The following CAPN9 variants were observed in gnomAD, a reference collection of about 807,000 sequenced individuals.
CAPN9 encodes the protein calpain-9.
In CAPN9, 81 loss-of-function variants were observed where a neutral mutation model predicts 92.8. The ratio of observed to expected loss-of-function variants is 0.87; its 90% confidence interval spans 0.73 to 1.05. The LOEUF (loss-of-function observed/expected upper bound fraction) is 1.05. Ranked by LOEUF, CAPN9 falls within the 50% of genes least tolerant of loss-of-function variation. CAPN9 has a pLI of 0.00. For synonymous variants in CAPN9, 304 were observed against 328.0 expected (o/e 0.93, Z 0.79); for missense variants, 848 against 866.2 (o/e 0.98, Z 0.26).
At chr1:230,791,054 G>GTC (rs1028881556) in intron 14 of CAPN9, among the ~76,000 whole-genome samples, 2 of 152,204 alleles carry the variant, frequency 1.3e-5, no homozygotes, top group African/African-American at 4.8e-5. Context: ...ATGTATCAAT[G>GTC]TCTCATTCCT....
intron 14 of CAPN9, among the ~76,000 whole-genome samples, chr1:230,791,103 C>T (rs914977386): frequency 1.3e-5 from 2 of 152,066 alleles, no homozygotes; most frequent in African/African-American, 4.8e-5. Flanking sequence ...TGGATGGGCC[C>T]TGTTCTGTTT....
At chr1:230,752,667 C>T (rs1664923957) in intron 1 of CAPN9, 1 of 985,284 alleles carries the variant, frequency 1.0e-6, no homozygotes, top group South Asian at 4.7e-5. Flanking sequence ...CTAGCACAGC[C>T]TGCTGGGCAG....
At chr1:230,749,666 C>A (rs529479235) in intron 1 of CAPN9, among the ~76,000 whole-genome samples, 105 of 152,252 alleles carry the variant, frequency 6.9e-4, no homozygotes, top group African/African-American at 2.4e-3. Context: ...TCTACAGGCA[C>A]TTGATATGAA....
chr1:230,769,085 AG>A, intron 5 of CAPN9, 94 bp from the exon 6 acceptor site: 1 of 938,024 alleles, frequency 1.1e-6, no homozygotes, highest in Non-Finnish European at 1.7e-6. Flanking sequence ...AAGGGGCTGG[AG>A]GTTGTGACCG....
intron 1 of CAPN9, among the ~76,000 whole-genome samples, chr1:230,750,113 T>C (rs1664671422): frequency 6.6e-6 from 1 of 152,104 alleles, no homozygotes. Flanking sequence ...TCTTCCTTAG[T>C]ATTATCTCCT....
chr1:230,786,410 G>T (rs1210634492), intron 12 of CAPN9, among the ~76,000 whole-genome samples: 1 of 152,140 alleles, frequency 6.6e-6, no homozygotes, highest in African/African-American at 2.4e-5. Flanking sequence ...GGAGGACAAA[G>T]GTTTTTAAAG....
At chr1:230,771,123 C>T (rs1666363616) in intron 6 of CAPN9, among the ~76,000 whole-genome samples, 1 of 152,192 alleles carries the variant, frequency 6.6e-6, no homozygotes, top group Non-Finnish European at 1.5e-5. Context: ...GCTTCCTCTC[C>T]CCCCTACAAG....
intron 4 of CAPN9, among the ~76,000 whole-genome samples, chr1:230,765,212 G>C (rs1208808578): frequency 3.0e-5 from 4 of 132,038 alleles, no homozygotes; most frequent in Admixed American, 7.5e-5. Context: ...ACACATGCAA[G>C]ACACACACAC....
In CAPN9 at chr1:230,780,332, A is replaced by C; in HGVS notation, c.1268A>C (p.Tyr423Ser). 1 of 1,613,948 alleles carries C rather than the reference A, an allele frequency of 6.2e-7. No individual in the cohort carries two copies. The highest frequency in any genetic ancestry group is 2.2e-5 in the East Asian group (1 of 44,884). Residue 423 changes from tyrosine (Y) to serine (S), a missense_variant, in exon 10 of 20, where the codon TAT (tyrosine) becomes TCT (serine). Physicochemically the swap from Tyr to Ser is moderately radical, Grantham distance 144. Transcript: ENST00000271971. ...GTGCTGACAATCGGCTATGCCATTT[A>C]TGAGGTAGGTGGGAACCACACTGCA... is the stretch of plus-strand genomic sequence containing the variant. Reference protein sequence around the residue: ...ANVLTIGYAIYECPDKDEHLN... With the variant: ...ANVLTIGYAISECPDKDEHLN...
chr1:230,769,803 A>G (rs12738160), intron 6 of CAPN9, among the ~76,000 whole-genome samples: 49,123 of 151,844 alleles, frequency 0.32, 8,233 homozygotes, highest in South Asian at 0.48. Context: ...CCTACTCAAC[A>G]TGAAGATAAT....
Position 230,801,596 on chromosome 1 carries a change from A to T in CAPN9, c.2073A>T (p.Ter691CysextTer46). ...TCATCCATTTGACAATGAACATCTGAGGCTGCCTTGTAGAGATGCAGCCTG... is the reference window on the plus strand; with the variant it reads ...TCATCCATTTGACAATGAACATCTGTGGCTGCCTTGTAGAGATGCAGCCTG... ...NEFIHLTMNI[*>C] The change falls in exon 20 of 20, where the codon TGA (stop) becomes TGT (cysteine). Residue 691 changes from the stop codon to cysteine (C), a stop_lost. Coordinates refer to ENST00000271971, the MANE Select transcript of CAPN9 (RefSeq NM_006615.3). 1 of 1,613,926 alleles carries T rather than the reference A, an allele frequency of 6.2e-7. No homozygotes were observed. The highest frequency in any genetic ancestry group is 8.5e-7 in the Non-Finnish European group (1 of 1,179,852).
At chr1:230,749,611 G>A (rs564043610) in intron 1 of CAPN9, among the ~76,000 whole-genome samples, 15 of 152,242 alleles carry the variant, frequency 9.9e-5, no homozygotes, top group South Asian at 4.2e-4. Flanking sequence ...CAGAAGCAGC[G>A]GCTCTTTCTG....
At chr1:230,778,175 C>T (rs963837057) in intron 8 of CAPN9, among the ~76,000 whole-genome samples, 11 of 152,194 alleles carry the variant, frequency 7.2e-5, no homozygotes, top group Non-Finnish European at 1.2e-4. Flanking sequence ...AATCAAACAT[C>T]CTGATTCCTT....
At position 230,767,699 on chromosome 1, in the gene CAPN9, G is replaced by A. The variant is rs1666080240; in HGVS notation, c.695G>A (p.Cys232Tyr). ...TTGAAGAGAGGCTCCCTGCTGGGCT[G>A]CTTCATTGATGTAAGTTGCTCATGG... ...KALKRGSLLG[C>Y]FIDTRSAAES... Residue 232 changes from cysteine (C) to tyrosine (Y), a missense_variant, in exon 5 of 20, where the codon TGC becomes TAC. Transcript: ENST00000271971. The A allele has an allele frequency of 6.2e-7, 1 of 1,612,172 alleles. No homozygotes were observed. Among genetic ancestry groups the A allele is most frequent in the African/African-American group, 1.3e-5 (1 of 74,470 alleles).
intron 11 of CAPN9, among the ~76,000 whole-genome samples, chr1:230,785,107 G>A (rs1169250171): frequency 6.6e-6 from 1 of 152,144 alleles, no homozygotes; most frequent in African/African-American, 2.4e-5. Flanking sequence ...TTGGCCTTTT[G>A]GAATGGGAAT....
chr1:230,772,174 G>A (rs938295523), intron 7 of CAPN9, 75 bp downstream of exon 7: 17 of 1,251,214 alleles, frequency 1.4e-5, no homozygotes, highest in Non-Finnish European at 2.0e-5. Context: ...GCAGACATGT[G>A]AAGGAGTGGC....
intron 11 of CAPN9, among the ~76,000 whole-genome samples, chr1:230,784,534 C>T (rs1667447591): frequency 6.6e-6 from 1 of 152,228 alleles, no homozygotes; most frequent in South Asian, 2.1e-4. Flanking sequence ...CTCAAAGGCA[C>T]CAGATACAGT....
chr1:230,776,905 G>T (rs2102886477), intron 8 of CAPN9: 1 of 152,344 alleles, frequency 6.6e-6, no homozygotes, highest in East Asian at 1.9e-4. Context: ...GCTGATGACT[G>T]CCAGCCATCT....
intron 16 of CAPN9, 37 bp downstream of exon 16, chr1:230,792,531 C>T: frequency 6.6e-7 from 1 of 1,507,276 alleles, no homozygotes; most frequent in Non-Finnish European, 9.2e-7. Flanking sequence ...CTCTGGGGGA[C>T]CCAGTGAACC....
Sources: gnomAD v4.1 joint callset for allele counts (sites outside exome capture counted in the v4.1 genomes callset) on GRCh38, gnomAD v4.1.1 for gene constraint, MANE v1.5 for transcripts, NCBI Gene and HGNC (gene_info 2026-07-23, HGNC 2026-07-21) for gene names.